The following DRC8 variants were observed in gnomAD, a reference collection of about 807,000 sequenced individuals.
DRC8 encodes dynein regulatory complex subunit 8.
At chr1:245,038,062 T>C in the DRC8 span, among the ~76,000 whole-genome samples, 1 of 152,208 alleles carries the variant, frequency 6.6e-6, no homozygotes, top group African/African-American at 2.4e-5. Flanking sequence ...AATTAACTTA[T>C]TAAGTTAACA....
At chr1:245,040,670 G>A in the DRC8 span, among the ~76,000 whole-genome samples, 8 of 152,170 alleles carry the variant, frequency 5.3e-5, no homozygotes, top group African/African-American at 1.9e-4. Context: ...GTCTGGGCAC[G>A]GTGGCTCATG....
At chr1:245,043,829 G>A in the DRC8 span, 1 of 152,174 alleles carries the variant, frequency 6.6e-6, no homozygotes, top group Non-Finnish European at 1.5e-5. Context: ...GCTCACAAGA[G>A]CTAATGGCTA....
the DRC8 span, among the ~76,000 whole-genome samples, chr1:245,103,802 G>A: frequency 2.6e-5 from 4 of 152,210 alleles, no homozygotes; most frequent in Non-Finnish European, 5.9e-5. Flanking sequence ...ATCCACTAAA[G>A]AAAAGGTGGG....
chr1:245,077,747 G>A, the DRC8 span, among the ~76,000 whole-genome samples: 1 of 152,136 alleles, frequency 6.6e-6, no homozygotes, highest in Admixed American at 6.6e-5. Flanking sequence ...AGATTTAAAT[G>A]TGAGACTTGG....
At chr1:245,004,903 G>C in the DRC8 span, among the ~76,000 whole-genome samples, 6 of 152,090 alleles carry the variant, frequency 3.9e-5, no homozygotes, top group Admixed American at 3.9e-4. Context: ...CATATTTATG[G>C]AGCACAGTGT....
chr1:245,059,337 C>T, the DRC8 span: 2 of 1,438,630 alleles, frequency 1.4e-6, no homozygotes, highest in East Asian at 2.3e-5. Context: ...GAAACCTGGC[C>T]TTTTCGGAGT....
At chr1:245,090,704 TG>T in the DRC8 span, among the ~76,000 whole-genome samples, 1 of 151,628 alleles carries the variant, frequency 6.6e-6, no homozygotes, top group Non-Finnish European at 1.5e-5. Context: ...TTTGGTCAGC[TG>T]GGGTCATCCT....
the DRC8 span, chr1:245,083,847 T>C: frequency 9.5e-7 from 1 of 1,056,102 alleles, no homozygotes; most frequent in Non-Finnish European, 1.3e-6. Flanking sequence ...TTCTGTTCTG[T>C]GGGGGTTAAG....
At chr1:245,038,209 A>G in the DRC8 span, among the ~76,000 whole-genome samples, 143,539 of 152,304 alleles carry the variant, frequency 0.94, 68,188 homozygotes, top group East Asian at 1. Context: ...GGTGGCTCAC[A>G]CCTGTAATCC....
chr1:245,121,377 G>T, the DRC8 span, among the ~76,000 whole-genome samples: 1 of 152,194 alleles, frequency 6.6e-6, no homozygotes, highest in Non-Finnish European at 1.5e-5. Flanking sequence ...TTGATCCAGG[G>T]CTCAGATGCC....
chr1:245,060,093 T>C, the DRC8 span, among the ~76,000 whole-genome samples: 1 of 152,194 alleles, frequency 6.6e-6, no homozygotes, highest in Non-Finnish European at 1.5e-5. Flanking sequence ...CTTTTCAGAA[T>C]TGCTTATCTA....
chr1:245,006,411 A>G, the DRC8 span, among the ~76,000 whole-genome samples: 2 of 152,078 alleles, frequency 1.3e-5, no homozygotes, highest in Non-Finnish European at 2.9e-5. Context: ...TCCCATGTTC[A>G]AGTGATCCTC....
At chr1:245,041,834 G>A in the DRC8 span, among the ~76,000 whole-genome samples, 1 of 152,164 alleles carries the variant, frequency 6.6e-6, no homozygotes, top group Non-Finnish European at 1.5e-5. Flanking sequence ...GGGTGACCAG[G>A]TGAGGGCACA....
the DRC8 span, chr1:244,969,866 G>C: frequency 2.4e-6 from 1 of 418,724 alleles, no homozygotes; most frequent in Non-Finnish European, 4.2e-6. Context: ...GCCGCTTCCC[G>C]GCGGGAGGCG....
the DRC8 span, among the ~76,000 whole-genome samples, chr1:244,983,385 A>G: frequency 2.6e-5 from 4 of 152,232 alleles, no homozygotes; most frequent in Non-Finnish European, 4.4e-5. Context: ...TCTTAAAGAC[A>G]TATAAAGGAG....
the DRC8 span, among the ~76,000 whole-genome samples, chr1:245,032,894 C>T: frequency 3.3e-5 from 5 of 151,840 alleles, no homozygotes; most frequent in African/African-American, 4.8e-5. Context: ...TGGTGGTGCA[C>T]GCCTGCTGTC....
chr1:244,995,398 C>T, the DRC8 span, among the ~76,000 whole-genome samples: 48 of 152,188 alleles, frequency 3.2e-4, no homozygotes, highest in African/African-American at 7.5e-4. Context: ...CACTCTATCC[C>T]CCAGGCTGGA....
At chr1:245,123,888 C>T in the DRC8 span, 1 of 145,930 alleles carries the variant, frequency 6.9e-6, no homozygotes, top group African/African-American at 2.7e-5. This position sits in a 1 kb window ranked among gnomAD's most constrained non-coding sequence, Gnocchi z 5.0. Context: ...AGCCAGGTTT[C>T]TTTTTTTCTG....
the DRC8 span, chr1:245,086,663 T>C: frequency 7.8e-6 from 4 of 515,540 alleles, no homozygotes; most frequent in South Asian, 5.8e-5. Flanking sequence ...GCTGCTTCTA[T>C]GCCAGGTACT....
Sources: allele counts gnomAD v4.1 joint callset (sites outside exome capture counted in the v4.1 genomes callset), GRCh38; gene constraint gnomAD v4.1.1; non-coding constraint Gnocchi (gnomAD v3.1); transcripts MANE v1.5; gene names NCBI Gene and HGNC (gene_info 2026-07-23, HGNC 2026-07-21).